RGS6: variants seen among roughly 807,000 people sequenced by gnomAD.
The protein encoded by RGS6 is regulator of G-protein signaling 6.
A neutral mutation model predicts 78.5 loss-of-function variants in RGS6; 30 were observed. The observed-to-expected ratio is 0.38, with a 90% CI of 0.29 to 0.52. The LOEUF (loss-of-function observed/expected upper bound fraction) is 0.52, where lower values mean the gene tolerates loss of function less well. RGS6 is among the 20% of genes least tolerant of loss of function. The pLI, the probability that RGS6 is intolerant of heterozygous loss-of-function variation, is 0.85. For missense variants in RGS6, 495 were observed against 609.7 expected, an observed-to-expected ratio of 0.81 and a Z score of 1.98; for synonymous variants, 206 against 206.0, an observed-to-expected ratio of 1.00 and a Z score of 0.00.
chr14:72,517,097 CA>C (rs1245005668), intron 14 of RGS6, among the ~76,000 whole-genome samples: 2 of 147,290 alleles, frequency 1.4e-5, no homozygotes, highest in African/African-American at 5.1e-5. Flanking sequence ...GCTCCAAAGA[CA>C]TTTCTCTGAA....
At chr14:72,550,716 C>G in intron 17 of RGS6, 1 of 1,329,496 alleles carries the variant, frequency 7.5e-7, no homozygotes, top group Admixed American at 2.7e-5. Context: ...GGTTTTACAC[C>G]TGATGGAGGT....
intron 2 of RGS6, among the ~76,000 whole-genome samples, chr14:72,337,349 C>T (rs1024291628): frequency 6.6e-6 from 1 of 151,802 alleles, no homozygotes; most frequent in Non-Finnish European, 1.5e-5. Flanking sequence ...GTTTCCAATG[C>T]AGTGGTTTCT....
At chr14:72,497,129 T>C (rs918056298) in intron 13 of RGS6, among the ~76,000 whole-genome samples, 7 of 152,182 alleles carry the variant, frequency 4.6e-5, no homozygotes, top group Non-Finnish European at 4.4e-5. Context: ...GTAGAAATGG[T>C]ATGCATATTT....
chr14:72,268,842 G>C (rs989303498), intron 2 of RGS6, among the ~76,000 whole-genome samples: 1 of 152,184 alleles, frequency 6.6e-6, no homozygotes, highest in Non-Finnish European at 1.5e-5. Flanking sequence ...ACATTATCCT[G>C]GTTGAATCTT....
chr14:72,465,632 GGATGGATGGATGGA>G, intron 6 of RGS6, 112 bp from the exon 7 acceptor site: 1 of 634,398 alleles, frequency 1.6e-6, no homozygotes, highest in East Asian at 3.0e-5. Flanking sequence ...GTGGATGGAT[GGATGGATGGATGGA>G]TGGATGGATG....
At chr14:72,271,312 G>T (rs563435216) in intron 2 of RGS6, among the ~76,000 whole-genome samples, 1 of 152,298 alleles carries the variant, frequency 6.6e-6, no homozygotes, top group African/African-American at 2.4e-5. Flanking sequence ...ATGGTGGCAG[G>T]CAAGAGAGCT....
chr14:72,423,502 A>T (rs963107581), intron 3 of RGS6, among the ~76,000 whole-genome samples: 4 of 152,252 alleles, frequency 2.6e-5, no homozygotes, highest in Admixed American at 2.6e-4. Context: ...TGAAAAGGAT[A>T]AAGTCGTATT....
intron 2 of RGS6, among the ~76,000 whole-genome samples, chr14:72,267,403 G>A (rs1374590308): frequency 1.3e-5 from 2 of 152,214 alleles, no homozygotes; most frequent in Non-Finnish European, 2.9e-5. Flanking sequence ...GGTAGCTGTG[G>A]CTGCTTTCAC....
At chr14:71,885,376 T>C in the RGS6 span, among the ~76,000 whole-genome samples, 1 of 152,216 alleles carries the variant, frequency 6.6e-6, no homozygotes, top group African/African-American at 2.4e-5. Context: ...TATAAAGACA[T>C]GTGACATTAA....
chr14:72,512,844 A>C (rs1460720805), intron 14 of RGS6, among the ~76,000 whole-genome samples: 2 of 152,234 alleles, frequency 1.3e-5, no homozygotes, highest in Non-Finnish European at 2.9e-5. Flanking sequence ...ATATCATCTT[A>C]GCACCAACCG....
chr14:71,932,363 G>C (rs867039772), upstream of RGS6: 1 of 151,278 alleles, frequency 6.6e-6, no homozygotes, highest in Non-Finnish European at 1.5e-5. Flanking sequence ...CGCGGGGCAC[G>C]GGGCTGCAGC....
chr14:72,599,615 G>A, the RGS6 span, among the ~76,000 whole-genome samples: 5 of 144,396 alleles, frequency 3.5e-5, no homozygotes, highest in Non-Finnish European at 7.5e-5. Context: ...TAGTAGAGAC[G>A]GGGTTTTACC....
At chr14:72,435,627 G>T (rs1338658422) in intron 3 of RGS6, among the ~76,000 whole-genome samples, 2 of 152,142 alleles carry the variant, frequency 1.3e-5, no homozygotes, top group Non-Finnish European at 2.9e-5. Context: ...CCTCCTGGAA[G>T]TTATTGCTTT....
the RGS6 span, among the ~76,000 whole-genome samples, chr14:71,876,038 A>G: frequency 8.4e-3 from 1,279 of 152,240 alleles, 12 homozygotes; most frequent in Middle Eastern, 0.024. Flanking sequence ...GTTCTTTTAC[A>G]TTTGCTGAGG....
chr14:72,021,936 C>A (rs377756005), intron 2 of RGS6, among the ~76,000 whole-genome samples: 1 of 148,862 alleles, frequency 6.7e-6, no homozygotes, highest in Non-Finnish European at 1.5e-5. Flanking sequence ...CTGCCACCCC[C>A]ACCCTCAAGT....
intron 2 of RGS6, among the ~76,000 whole-genome samples, chr14:72,136,143 G>A (rs1273123119): frequency 1.3e-5 from 2 of 152,086 alleles, no homozygotes; most frequent in African/African-American, 4.8e-5. Context: ...TTAAGTCATC[G>A]ATGCAGTGGA....
At chr14:71,981,982 C>T (rs1267394119) in intron 2 of RGS6, among the ~76,000 whole-genome samples, 1 of 152,154 alleles carries the variant, frequency 6.6e-6, no homozygotes, top group African/African-American at 2.4e-5. Flanking sequence ...GGGATATAAT[C>T]TCGTGGTGCG....
chr14:71,897,301 A>G, the RGS6 span, among the ~76,000 whole-genome samples: 1 of 152,186 alleles, frequency 6.6e-6, no homozygotes, highest in South Asian at 2.1e-4. Context: ...TAGCAAAGAC[A>G]TGTGGCCTTA....
At chr14:72,287,843 A>G (rs1291099869) in intron 2 of RGS6, among the ~76,000 whole-genome samples, 2 of 152,194 alleles carry the variant, frequency 1.3e-5, no homozygotes, top group Non-Finnish European at 2.9e-5. Context: ...CTCTGCATCT[A>G]TTGAGATGAT....
Sources: allele counts gnomAD v4.1 joint callset (sites outside exome capture counted in the v4.1 genomes callset), GRCh38; gene constraint gnomAD v4.1.1; transcripts MANE v1.5; gene names NCBI Gene and HGNC (gene_info 2026-07-23, HGNC 2026-07-21).